The following SBF2 variants were observed in gnomAD, a reference collection of about 807,000 sequenced individuals.
The protein encoded by SBF2 is myotubularin-related protein 13.
In SBF2, 112 loss-of-function variants were observed where a neutral mutation model predicts 225.2. The ratio of observed to expected loss-of-function variants is 0.50; its 90% CI spans 0.43 to 0.58. SBF2 has a LOEUF of 0.58. Ranked by LOEUF, SBF2 falls within the 20% of genes least tolerant of loss-of-function variation. The pLI is 0.00. For missense variants in SBF2, 1,996 were observed against 2,206.2 expected, an observed-to-expected ratio of 0.90 and a Z score of 1.91; for synonymous variants, 763 against 773.3, an observed-to-expected ratio of 0.99 and a Z score of 0.22.
intron 17 of SBF2, among the ~76,000 whole-genome samples, chr11:9,886,232 G>A (rs1402803362): frequency 6.6e-6 from 1 of 152,154 alleles, no homozygotes; most frequent in African/African-American, 2.4e-5. Flanking sequence ...GCTCAAATTA[G>A]CAACTTTCTT....
At chr11:9,794,880 T>G (rs779552603) in intron 33 of SBF2, among the ~76,000 whole-genome samples, 9 of 151,970 alleles carry the variant, frequency 5.9e-5, no homozygotes, top group Non-Finnish European at 8.8e-5. Flanking sequence ...CAGTGCTCTT[T>G]CCCTTATCAA....
At chr11:10,129,866 G>A (rs181803463) in intron 2 of SBF2, among the ~76,000 whole-genome samples, 1 of 151,770 alleles carries the variant, frequency 6.6e-6, no homozygotes, top group Non-Finnish European at 1.5e-5. Context: ...AAACATTAAT[G>A]AGGTATGGTG....
intron 17 of SBF2, among the ~76,000 whole-genome samples, chr11:9,869,317 AT>A (rs1018601377): frequency 1.3e-5 from 2 of 151,584 alleles, no homozygotes; most frequent in Non-Finnish European, 2.9e-5. Flanking sequence ...TTCCCTGAAA[AT>A]TTTTTTTTCT....
At chr11:10,024,909 G>A (rs926760559) in intron 6 of SBF2, among the ~76,000 whole-genome samples, 5 of 152,116 alleles carry the variant, frequency 3.3e-5, no homozygotes, top group African/African-American at 1.2e-4. Context: ...CACGGAGGGA[G>A]GGCTGGAATT....
chr11:9,817,329 C>A, intron 28 of SBF2, among the ~76,000 whole-genome samples: 1 of 152,026 alleles, frequency 6.6e-6, no homozygotes. Context: ...AGAAACAGTA[C>A]ATTGATACTG....
At chr11:10,173,874 C>T (rs1019872050) in intron 2 of SBF2, among the ~76,000 whole-genome samples, 1 of 151,776 alleles carries the variant, frequency 6.6e-6, no homozygotes, top group Non-Finnish European at 1.5e-5. Flanking sequence ...AGCAGCCTAA[C>T]TGGGAGGCAC....
Position 9,812,691 on chromosome 11 carries a change from A to G in SBF2, c.3996T>C (p.Phe1332=). ...KSQLRNFKVE[F]ALNCEFVPVE... is the part of the protein sequence containing the mutation. ...CAGGAACAAACTCACAATTTAAAGCAAATTCTACCTTGAAGTTCTGCGGAT... is the reference window on the plus strand; with the variant it reads ...CAGGAACAAACTCACAATTTAAAGCGAATTCTACCTTGAAGTTCTGCGGAT... The change falls in exon 30 of 40, where the codon TTT becomes TTC. Residue 1332 remains phenylalanine (F), a synonymous_variant. Transcript: ENST00000256190. 1 of 1,614,226 alleles carries G rather than the reference A, an allele frequency of 6.2e-7. No homozygotes were observed. The highest frequency in any genetic ancestry group is 1.3e-5 in the African/African-American group (1 of 75,076).
rs570172090 is a variant in SBF2, at chr11:10,171,167, AG to A, written c.141+22734del. ...TCTGGTTGCCCTAGCTAGAACTTCC[AG>A]TACTATGTTGAATAACAGTGGTGAA... is the stretch of plus-strand genomic sequence containing the variant. On this transcript the variant is annotated intron_variant, in intron 2 of 39. Coordinates refer to ENST00000256190, the MANE Select transcript of SBF2 (RefSeq NM_030962.4). Among the ~76,000 whole-genome samples the A allele has an allele frequency of 1.6e-3, 241 of 152,274 alleles. 1 individual carries two copies. Among genetic ancestry groups the A allele is most frequent in the African/African-American group, 5.6e-3 (232 of 41,572 alleles).
chr11:9,942,411 C>T (rs72855636), intron 16 of SBF2, among the ~76,000 whole-genome samples: 6 of 152,106 alleles, frequency 3.9e-5, no homozygotes, highest in East Asian at 3.9e-4. Flanking sequence ...TTTATAGATA[C>T]GAAAACTTGC....
At chr11:10,165,024 CCTTTACA>C (rs1457784053) in intron 2 of SBF2, 2 of 152,212 alleles carry the variant, frequency 1.3e-5, no homozygotes, top group African/African-American at 4.8e-5. Flanking sequence ...TTCCCAGCTC[CCTTTACA>C]ACTGGATGTG....
chr11:9,970,800 C>T (rs897506745), intron 13 of SBF2, among the ~76,000 whole-genome samples: 3 of 152,210 alleles, frequency 2.0e-5, no homozygotes, highest in Admixed American at 6.5e-5. Flanking sequence ...AAGCAGCTCT[C>T]ATACATGCTC....
At chr11:9,838,283 T>C (rs1855867599) in intron 26 of SBF2, 2 of 152,106 alleles carry the variant, frequency 1.3e-5, no homozygotes, top group African/African-American at 4.8e-5. Context: ...CTTTTTACCA[T>C]CATAAATGCT....
At chr11:10,188,665 C>T (rs2135312965) in intron 2 of SBF2, among the ~76,000 whole-genome samples, 1 of 152,286 alleles carries the variant, frequency 6.6e-6, no homozygotes, top group Middle Eastern at 3.4e-3. Flanking sequence ...AGAATCATAA[C>T]ACCAAGATTA....
intron 16 of SBF2, among the ~76,000 whole-genome samples, chr11:9,925,541 G>A (rs541610558): frequency 1.5e-3 from 232 of 152,294 alleles, no homozygotes; most frequent in Non-Finnish European, 1.6e-3. Context: ...CTCCCAAAGC[G>A]CTGGGATTAT....
intron 1 of SBF2, among the ~76,000 whole-genome samples, chr11:10,197,259 G>A (rs908977152): frequency 1.3e-5 from 2 of 152,164 alleles, no homozygotes; most frequent in African/African-American, 4.8e-5. Context: ...CAAACTGGTA[G>A]AGGATCTGGA....
rs183573165 is a variant in SBF2 at position 10,078,758 on chromosome 11, C to T, written c.142-35777G>A. ...CAAACCTGCAGGTTGTGCACATGTACCCCAGAACTTAAAGTATAATAATAA... is the reference window on the plus strand; with the variant it reads ...CAAACCTGCAGGTTGTGCACATGTATCCCAGAACTTAAAGTATAATAATAA... On this transcript the variant is annotated intron_variant, in intron 2 of 39. Transcript: ENST00000256190. Among the ~76,000 whole-genome samples the T allele has an allele frequency of 5.6e-4, 85 of 152,144 alleles. 1 individual carries two copies. The highest frequency in any genetic ancestry group is 1.1e-3 in the Non-Finnish European group (74 of 68,006).
intron 2 of SBF2, among the ~76,000 whole-genome samples, chr11:10,097,466 T>A (rs1224348513): frequency 3.3e-5 from 5 of 152,184 alleles, no homozygotes; most frequent in Admixed American, 3.3e-4. Context: ...AGTGCCTGTC[T>A]ATTCAGGCAG....
intron 16 of SBF2, among the ~76,000 whole-genome samples, chr11:9,908,828 G>C (rs1347648552): frequency 1.3e-5 from 2 of 150,846 alleles, no homozygotes; most frequent in African/African-American, 4.9e-5. Flanking sequence ...GGGACTACAG[G>C]CATGTGCCAC....
intron 16 of SBF2, among the ~76,000 whole-genome samples, chr11:9,941,856 G>T (rs371322450): frequency 1.3e-5 from 2 of 152,056 alleles, no homozygotes; most frequent in South Asian, 2.1e-4. Flanking sequence ...TGGATGATAT[G>T]ATTGCCAACA....
Sources: gnomAD v4.1 joint callset for allele counts (sites outside exome capture counted in the v4.1 genomes callset) on GRCh38, gnomAD v4.1.1 for gene constraint, MANE v1.5 for transcripts, NCBI Gene and HGNC (gene_info 2026-07-23, HGNC 2026-07-21) for gene names.